SLC35F4: variants seen among roughly 807,000 people sequenced by gnomAD.
The protein encoded by SLC35F4 is chromosome 14 open reading frame 36.
In SLC35F4, 24 loss-of-function variants were observed where a neutral mutation model predicts 44.2. The observed-to-expected ratio is 0.54, with a 90% confidence interval of 0.39 to 0.76. The LOEUF (loss-of-function observed/expected upper bound fraction) is 0.76, where lower values mean the gene tolerates loss of function less well. Ranked by LOEUF, SLC35F4 falls within the 30% of genes least tolerant of loss-of-function variation. The probability of loss-of-function intolerance (pLI) is 0.00; values close to 1 mark genes in which losing one functional copy is unlikely to be tolerated. For synonymous variants in SLC35F4, 238 were observed against 223.6 expected (o/e 1.06, Z -0.57); for missense variants, 562 against 586.1 (o/e 0.96, Z 0.42).
chr14:57,726,618 A>G (rs1258863222), intron 1 of SLC35F4, among the ~76,000 whole-genome samples: 1 of 152,186 alleles, frequency 6.6e-6, no homozygotes, highest in Non-Finnish European at 1.5e-5. Flanking sequence ...TGGTTGTACA[A>G]AGGATAGCTA....
intron 1 of SLC35F4, among the ~76,000 whole-genome samples, chr14:57,742,019 A>G (rs2076622157): frequency 6.6e-6 from 1 of 152,160 alleles, no homozygotes; most frequent in Non-Finnish European, 1.5e-5. Context: ...AGACAAGCAA[A>G]TGCTGAGAGA....
chr14:57,566,680 C>A, intron 6 of SLC35F4, 116 bp from the exon 7 acceptor site: 1 of 968,750 alleles, frequency 1.0e-6, no homozygotes, highest in Non-Finnish European at 1.6e-6. Flanking sequence ...CTGTCTATAC[C>A]TTTGATCCTC....
At chr14:57,566,028 C>T (rs2068188253) in intron 7 of SLC35F4, among the ~76,000 whole-genome samples, 1 of 152,110 alleles carries the variant, frequency 6.6e-6, no homozygotes, top group African/African-American at 2.4e-5. Flanking sequence ...TATATCTATT[C>T]CAGAGGGCCA....
rs1463388936 is a variant in SLC35F4, at chr14:57,724,044, G to A, written c.104-129920C>T. On this transcript the variant is annotated intron_variant, in intron 1 of 7. Transcript: ENST00000556826. ...GGCCCCTTCTACAACCAAAAAAGAG[G>A]CACAATGCTTAGTGGGCCTATTTGG... Among the ~76,000 whole-genome samples, 6 of 152,174 alleles carry A rather than the reference G, an allele frequency of 3.9e-5. No homozygotes were observed. In the East Asian group the frequency reaches 1.2e-3, roughly 29 times the overall value.
Position 57,920,110 on chromosome 14 carries a change from G to A in SLC35F4, n.282+61803C>T, listed in dbSNP as rs118135372. 5.7e-3 allele frequency among the ~76,000 whole-genome samples: 862 copies of A among 152,170 alleles called. 8 individuals are homozygous for A. Among genetic ancestry groups the A allele is most frequent in the Non-Finnish European group, 7.8e-3 (530 of 68,010 alleles). On this transcript the variant is annotated intron_variant and non_coding_transcript_variant, in intron 1 of 1. Transcript: ENST00000556568. ...TCCTTATCTTCAGTTAAAAACTCACGTTTCTTTCTGTATGAAACGTGTATC... is the reference window on the plus strand; with the variant it reads ...TCCTTATCTTCAGTTAAAAACTCACATTTCTTTCTGTATGAAACGTGTATC...
At chr14:57,719,036 GT>G (rs2076014326) in intron 1 of SLC35F4, among the ~76,000 whole-genome samples, 1 of 152,316 alleles carries the variant, frequency 6.6e-6, no homozygotes, top group African/African-American at 2.4e-5. Context: ...TAGGGGCCAA[GT>G]TTCATTCTTC....
At chr14:57,744,302 G>T (rs1053612579) in intron 1 of SLC35F4, among the ~76,000 whole-genome samples, 5 of 152,188 alleles carry the variant, frequency 3.3e-5, no homozygotes, top group African/African-American at 1.2e-4. Context: ...GTTTGCAGAT[G>T]ACATGATTGT....
In SLC35F4 at chr14:57,816,269, A is replaced by C. The variant is rs563070310; in HGVS notation, c.103+49454T>G. On this transcript the variant is annotated intron_variant, in intron 1 of 7. Coordinates refer to ENST00000556826, the MANE Select transcript of SLC35F4 (RefSeq NM_001306087.2). ...TTTTTCTTCTCATTAAACAGAGCCA[A>C]ATGGCTACACTGCAGAGGAGGCTAT... 5.3e-5 allele frequency among the ~76,000 whole-genome samples: 8 copies of C among 152,310 alleles called. 1 individual carries two copies. In the South Asian group the frequency reaches 1.7e-3, roughly 32 times the overall value.
At chr14:57,932,878 T>G (rs1566932790) in intron 1 of SLC35F4, among the ~76,000 whole-genome samples, 1 of 152,122 alleles carries the variant, frequency 6.6e-6, no homozygotes, top group Non-Finnish European at 1.5e-5. Context: ...TCTCTGTGTG[T>G]ATATTAGAGA....
intron 1 of SLC35F4, among the ~76,000 whole-genome samples, chr14:57,852,149 C>A (rs1022880260): frequency 2.6e-5 from 4 of 152,100 alleles, no homozygotes; most frequent in Admixed American, 6.5e-5. Flanking sequence ...TTGCATTAGC[C>A]ACTTGTGGTA....
At chr14:57,745,474 C>A (rs1355665202) in intron 1 of SLC35F4, among the ~76,000 whole-genome samples, 1 of 152,174 alleles carries the variant, frequency 6.6e-6, no homozygotes, top group Non-Finnish European at 1.5e-5. Context: ...CCAACAGACA[C>A]ATGAAAAAAT....
At chr14:57,981,437 T>A (rs1881379730) in intron 1 of SLC35F4, among the ~76,000 whole-genome samples, 1 of 152,150 alleles carries the variant, frequency 6.6e-6, no homozygotes, top group Admixed American at 6.6e-5. Flanking sequence ...AGTCTGAGCG[T>A]CTTCATGGTG....
At position 57,932,415 on chromosome 14, in the gene SLC35F4, T is replaced by C. The variant is rs1254427577; in HGVS notation, n.282+49498A>G. ...TTTTTTCACAGTCATAGTTTTCACG[T>C]CTTTTCATATCCATGCATACAAATT... On this transcript the variant is annotated intron_variant and non_coding_transcript_variant, in intron 1 of 1. Transcript: ENST00000556568. Among the ~76,000 whole-genome samples, 3 of 152,350 alleles carry C rather than the reference T, an allele frequency of 2.0e-5. No individual in the cohort carries two copies. The East Asian group carries it at 5.8e-4, about 29-fold the overall frequency.
At chr14:57,983,144 T>C (rs947661914), upstream of SLC35F4, among the ~76,000 whole-genome samples, 74 of 152,242 alleles carry the variant, frequency 4.9e-4, no homozygotes, top group African/African-American at 1.8e-3. Context: ...ACTGCAAGGC[T>C]GCCAAGCAAG....
intron 1 of SLC35F4, among the ~76,000 whole-genome samples, chr14:57,721,022 A>G (rs2076075080): frequency 9.2e-6 from 1 of 108,660 alleles, no homozygotes; most frequent in African/African-American, 3.3e-5. Flanking sequence ...ATATGAGTTA[A>G]TAAACTCCTC....
At chr14:57,969,163 C>A (rs1192250128) in intron 1 of SLC35F4, among the ~76,000 whole-genome samples, 1 of 152,134 alleles carries the variant, frequency 6.6e-6, no homozygotes, top group Non-Finnish European at 1.5e-5. Context: ...AAATTTGGAC[C>A]CTGGCCCTGG....
Position 57,599,230 on chromosome 14 carries a change from C to T in SLC35F4, c.104-5106G>A, listed in dbSNP as rs994930937. On this transcript the variant is annotated intron_variant, in intron 1 of 7. Coordinates refer to ENST00000556826, the MANE Select transcript of SLC35F4 (RefSeq NM_001306087.2). ...ATAGGGTTCCAGGAGGAAGAGATGG[C>T]AAACTCAAAACAGGACAATTTTAGA... Among the ~76,000 whole-genome samples, 13 of 152,298 alleles carry T rather than the reference C, an allele frequency of 8.5e-5. No homozygotes were observed. The East Asian group carries it at 1.4e-3, about 16-fold the overall frequency.
chr14:57,738,450 T>C (rs2076518957), intron 1 of SLC35F4, among the ~76,000 whole-genome samples: 1 of 152,118 alleles, frequency 6.6e-6, no homozygotes, highest in South Asian at 2.1e-4. Flanking sequence ...TGATTCTCAC[T>C]TCTGTACTGC....
chr14:57,636,802 C>A (rs1349611725), intron 1 of SLC35F4, among the ~76,000 whole-genome samples: 1 of 152,088 alleles, frequency 6.6e-6, no homozygotes, highest in Non-Finnish European at 1.5e-5. Context: ...ACTGAGCATA[C>A]TAGTTTTCTA....
Sources: allele counts gnomAD v4.1 joint callset (sites outside exome capture counted in the v4.1 genomes callset), GRCh38; gene constraint gnomAD v4.1.1; transcripts MANE v1.5; gene names NCBI Gene and HGNC (gene_info 2026-07-23, HGNC 2026-07-21).